Variants in ART4 observed in about 807,000 individuals in gnomAD.
ART4 encodes the protein ADP-ribosyltransferase 4 (inactive) (Dombrock blood group), also known as ecto-ADP-ribosyltransferase 4.
In ART4, 14 loss-of-function variants were observed where a neutral mutation model predicts 24.2. The observed-to-expected ratio is 0.58, with a 90% confidence interval of 0.38 to 0.90. The LOEUF (loss-of-function observed/expected upper bound fraction) is 0.90. ART4 is among the 40% of genes least tolerant of loss of function. The pLI is 0.00. For missense variants in ART4, 356 were observed against 366.6 expected (o/e 0.97, Z 0.24); for synonymous variants, 145 against 139.9 (o/e 1.04, Z -0.26).
Position 14,841,482 on chromosome 12 carries a change from C to A in ART4, c.145-329G>T, listed in dbSNP as rs1190864884. On this transcript the variant is annotated intron_variant, in intron 1 of 2. Transcript: ENST00000228936. Reference sequence around the variant, plus strand: ...AATTCAAAATCTTGTAGTTTAATTACACTTTCTGTTTCCTCTACTTTCCCC... The same window carrying A: ...AATTCAAAATCTTGTAGTTTAATTAAACTTTCTGTTTCCTCTACTTTCCCC... Among the ~76,000 whole-genome samples the A allele has an allele frequency of 2.0e-5, 3 of 152,300 alleles. No homozygotes were observed. In the East Asian group the frequency reaches 5.8e-4, roughly 29 times the overall value.
intron 1 of ART4, among the ~76,000 whole-genome samples, chr12:14,842,229 G>T (rs184721798): frequency 6.6e-6 from 1 of 152,026 alleles, no homozygotes; most frequent in Non-Finnish European, 1.5e-5. Context: ...TGATGTTTTC[G>T]TAATAAACAG....
intron 2 of ART4, among the ~76,000 whole-genome samples, chr12:14,839,855 C>T (rs1284767935): frequency 1.3e-5 from 2 of 152,148 alleles, no homozygotes; most frequent in Admixed American, 6.5e-5. Context: ...CTCACTTTTC[C>T]TGGAGAGAAT....
chr12:14,831,541 A>G (rs1950395860), intron 2 of ART4, among the ~76,000 whole-genome samples: 1 of 152,020 alleles, frequency 6.6e-6, no homozygotes, highest in South Asian at 2.1e-4. Flanking sequence ...CTGGGATTAT[A>G]GGTGTGAGCC....
chr12:14,843,131 A>G lies in ART4; in HGVS notation c.-18T>C, dbSNP rs1863080240. ...GGACCCATTTGCTTGTGTCACAAGT[A>G]CTTCTCCTTTGCCCTTGCAGCTTCA... On this transcript the variant is annotated 5_prime_UTR_variant, in exon 1 of 3. Transcript: ENST00000228936. The G allele has an allele frequency of 1.9e-6, 3 of 1,613,550 alleles. No individual in the cohort carries two copies. Among genetic ancestry groups the G allele is most frequent in the African/African-American group, 2.7e-5 (2 of 74,926 alleles).
intron 2 of ART4, among the ~76,000 whole-genome samples, chr12:14,836,694 C>A (rs1950433345): frequency 6.6e-6 from 1 of 152,164 alleles, no homozygotes; most frequent in Non-Finnish European, 1.5e-5. Flanking sequence ...GCCTTCTCTG[C>A]AACCCTTAGT....
intron 2 of ART4, among the ~76,000 whole-genome samples, chr12:14,829,941 G>A (rs1351191217): frequency 6.6e-6 from 1 of 152,158 alleles, no homozygotes; most frequent in Admixed American, 6.5e-5. Flanking sequence ...ACACAGAGAT[G>A]AGAAAAAACT....
chr12:14,832,673 A>G (rs1950404703), intron 2 of ART4, among the ~76,000 whole-genome samples: 1 of 152,238 alleles, frequency 6.6e-6, no homozygotes. Flanking sequence ...GATTTGTTGA[A>G]TGAATGAATA....
At chr12:14,841,593 T>C (rs971674383) in intron 1 of ART4, among the ~76,000 whole-genome samples, 1 of 152,208 alleles carries the variant, frequency 6.6e-6, no homozygotes, top group African/African-American at 2.4e-5. Flanking sequence ...ACTTTATCCT[T>C]AAGCTATGAA....
At chr12:14,837,933 G>A (rs947719387) in intron 2 of ART4, among the ~76,000 whole-genome samples, 16 of 152,196 alleles carry the variant, frequency 1.1e-4, no homozygotes, top group African/African-American at 3.9e-4. Context: ...GCTATTAAGT[G>A]GTACAGTGGG....
At chr12:14,841,866 A>T (rs1296527599) in intron 1 of ART4, among the ~76,000 whole-genome samples, 1 of 152,182 alleles carries the variant, frequency 6.6e-6, no homozygotes, top group Non-Finnish European at 1.5e-5. Context: ...CAGAGAACTG[A>T]TGCCCTTTGC....
chr12:14,829,571 C>A, intron 2 of ART4, 109 bp from the exon 3 acceptor site: 1 of 749,172 alleles, frequency 1.3e-6, no homozygotes, highest in Non-Finnish European at 2.2e-6. Flanking sequence ...CTAATAAAAA[C>A]ATTTGAAGTT....
rs1592247151 is a variant in ART4 at position 14,829,164 on chromosome 12, T to C, written c.*207A>G. The C allele has an allele frequency of 2.6e-6, 1 of 379,510 alleles. No individual in the cohort carries two copies. The highest frequency in any genetic ancestry group is 6.1e-5 in the South Asian group (1 of 16,500). 23.5% of individuals were successfully genotyped at this position (379,510 alleles called of 1,614,324 possible). On this transcript the variant is annotated 3_prime_UTR_variant, in exon 3 of 3. Transcript: ENST00000228936. ...CTGGGCAGAGTGATTTCCCCAAGAG[T>C]ACTTAGGGTGCCCAGATTGAAATAA... is the stretch of plus-strand genomic sequence containing the variant.
chr12:14,831,944 T>C (rs1353461071), intron 2 of ART4, among the ~76,000 whole-genome samples: 1 of 152,106 alleles, frequency 6.6e-6, no homozygotes, highest in Non-Finnish European at 1.5e-5. Context: ...TCTTTTTCCC[T>C]CACTTTTCAC....
chr12:14,830,848 G>A (rs923822848), intron 2 of ART4, among the ~76,000 whole-genome samples: 4 of 151,242 alleles, frequency 2.6e-5, no homozygotes, highest in Admixed American at 6.6e-5. Context: ...TTTTGTCAAA[G>A]TTTGTGTTAA....
Position 14,840,862 on chromosome 12 carries a change from T to C in ART4, c.436A>G (p.Thr146Ala), listed in dbSNP as rs745633535. The C allele has an allele frequency of 5.0e-6, 8 of 1,614,002 alleles. No individual in the cohort carries two copies. Among genetic ancestry groups the C allele is most frequent in the Non-Finnish European group, 6.8e-6 (8 of 1,180,014 alleles). Residue 146 changes from threonine to alanine, a missense_variant, in exon 2 of 3, where the codon ACT becomes GCT. Coordinates refer to ENST00000228936, the MANE Select transcript of ART4 (RefSeq NM_021071.4). The part of the protein sequence containing the change: ...FTRAMASVAR[T>A]PQQYERSFHF... The stretch of plus-strand genomic sequence containing the variant: ...AATGAACGTTCATACTGCTGTGGAG[T>C]CCTGGCAACAGAGGCCATGGCTCTA...
At chr12:14,840,354 T>C (rs1248639614) in intron 2 of ART4, 91 bp downstream of exon 2, 2 of 1,108,284 alleles carry the variant, frequency 1.8e-6, no homozygotes, top group African/African-American at 3.2e-5. Context: ...ATGTTTTTGA[T>C]CTTTCCCCAA....
intron 2 of ART4, among the ~76,000 whole-genome samples, chr12:14,829,714 T>C (rs1039767834): frequency 6.6e-6 from 1 of 152,204 alleles, no homozygotes; most frequent in Non-Finnish European, 1.5e-5. Flanking sequence ...GATCTAATTT[T>C]CCATCTTTAT....
Position 14,825,878 on chromosome 12 carries a change from T to C in ART4, c.*3493A>G, listed in dbSNP as rs1193315534. The C allele has an allele frequency of 1.3e-5, 2 of 152,204 alleles. No homozygotes were observed. The highest frequency in any genetic ancestry group is 2.9e-5 in the Non-Finnish European group (2 of 68,040). The allele number at this position is 152,204 out of a possible 1,614,324, so 9.4% of individuals were successfully genotyped here. A position where few individuals can be genotyped will look rare whatever the true frequency, so the allele number is the denominator to read the frequency against. ...TAAAGTATTACATGGGTTGAGTGTTTTTACTTTTTAAATTTTTCCTGTTTC... is the reference window on the plus strand; with the variant it reads ...TAAAGTATTACATGGGTTGAGTGTTCTTACTTTTTAAATTTTTCCTGTTTC... On this transcript the variant is annotated 3_prime_UTR_variant, in exon 3 of 3. Coordinates refer to ENST00000228936, the MANE Select transcript of ART4 (RefSeq NM_021071.4).
intron 2 of ART4, among the ~76,000 whole-genome samples, chr12:14,839,490 G>A (rs1170475480): frequency 2.0e-5 from 3 of 152,212 alleles, no homozygotes; most frequent in Non-Finnish European, 4.4e-5. Context: ...AGCATCTGGT[G>A]AGGGCCTTTA....
Sources: allele counts gnomAD v4.1 joint callset (sites outside exome capture counted in the v4.1 genomes callset), GRCh38; gene constraint gnomAD v4.1.1; transcripts MANE v1.5; gene names NCBI Gene and HGNC (gene_info 2026-07-23, HGNC 2026-07-21).